The following ANKS1B variants were observed in gnomAD, a reference collection of about 807,000 sequenced individuals.
ANKS1B encodes ankyrin repeat and sterile alpha motif domain containing 1B, also known as ankyrin repeat and sterile alpha motif domain-containing protein 1B.
Under a neutral mutation model 148.3 loss-of-function variants are expected in ANKS1B, and 36 were observed. That is an observed-to-expected ratio of 0.24 (90% CI 0.19 to 0.32). The LOEUF is 0.32. Among genes scored for constraint, ANKS1B ranks in the 10% least tolerant of loss-of-function variants. The pLI, the probability that ANKS1B is intolerant of heterozygous loss-of-function variation, is 1.00. For missense variants in ANKS1B, 1,157 were observed against 1,542.6 expected, an observed-to-expected ratio of 0.75 and a Z score of 4.19; for synonymous variants, 542 against 560.8, an observed-to-expected ratio of 0.97 and a Z score of 0.47.
chr12:98,820,615 C>T (rs563894077), intron 19 of ANKS1B, among the ~76,000 whole-genome samples: 1 of 152,054 alleles, frequency 6.6e-6, no homozygotes, highest in African/African-American at 2.4e-5. Context: ...TACACTTTAC[C>T]AAAAAAGAAG....
chr12:99,689,472 C>T (rs555651400), intron 8 of ANKS1B, among the ~76,000 whole-genome samples: 2 of 152,320 alleles, frequency 1.3e-5, no homozygotes, highest in East Asian at 3.9e-4. Context: ...CCTCCCCTCA[C>T]ATGTCAGCTC....
intron 17 of ANKS1B, among the ~76,000 whole-genome samples, chr12:99,001,093 A>G (rs1413628978): frequency 6.6e-6 from 1 of 151,980 alleles, no homozygotes; most frequent in East Asian, 1.9e-4. Context: ...TGCTGCAGTG[A>G]ACAGTGGGAT....
At chr12:99,594,823 C>T (rs1275647) in intron 9 of ANKS1B, among the ~76,000 whole-genome samples, 150,590 of 152,042 alleles carry the variant, frequency 0.99, 74,585 homozygotes, top group East Asian at 1. Flanking sequence ...TAGTCAACAA[C>T]ACTGTACTGT....
chr12:99,039,222 C>T (rs573408382), intron 17 of ANKS1B, among the ~76,000 whole-genome samples: 105 of 152,314 alleles, frequency 6.9e-4, no homozygotes, highest in Middle Eastern at 3.4e-3. Context: ...AGCATTTTAC[C>T]GGACATGCCA....
chr12:99,542,498 C>T (rs1328917812), intron 9 of ANKS1B, among the ~76,000 whole-genome samples: 1 of 147,042 alleles, frequency 6.8e-6, no homozygotes, highest in Non-Finnish European at 1.5e-5. Context: ...AATTGATCAA[C>T]AGGTTCATCA....
intron 9 of ANKS1B, among the ~76,000 whole-genome samples, chr12:99,625,873 T>C (rs1410583876): frequency 6.6e-6 from 1 of 152,042 alleles, no homozygotes; most frequent in Admixed American, 6.6e-5. Context: ...TAGTAGAGAA[T>C]TGGTTTCTAG....
rs2068458748 is a variant in ANKS1B, at chr12:99,812,145, G to A, written c.372+10C>T. 6.2e-7 allele frequency: 1 copy of A among 1,601,688 alleles called. No homozygotes were observed. Among genetic ancestry groups the A allele is most frequent in the Admixed American group, 1.7e-5 (1 of 58,820 alleles). ...AAATTACATCATGAGCAAACATTTG[G>A]CAAGTGCACCTGTTCATTGACCCTG... On this transcript the variant is annotated intron_variant, in intron 3 of 26. Transcript: ENST00000683438.
At chr12:99,670,677 A>C (rs2098533769) in intron 8 of ANKS1B, among the ~76,000 whole-genome samples, 1 of 152,148 alleles carries the variant, frequency 6.6e-6, no homozygotes, top group South Asian at 2.1e-4. Context: ...AGAGATACTA[A>C]AACAAGGTAT....
chr12:99,019,735 TG>T (rs2153434105), intron 17 of ANKS1B, among the ~76,000 whole-genome samples: 1 of 152,326 alleles, frequency 6.6e-6, no homozygotes, highest in East Asian at 1.9e-4. Flanking sequence ...TTTATATGAA[TG>T]ACTATTTTTC....
intron 17 of ANKS1B, among the ~76,000 whole-genome samples, chr12:98,961,079 T>C (rs1295646210): frequency 2.0e-5 from 3 of 152,044 alleles, no homozygotes; most frequent in Non-Finnish European, 4.4e-5. Flanking sequence ...CAAAGAGAAA[T>C]AGGTGCAGGA....
chr12:99,916,263 G>C (rs996755487), intron 1 of ANKS1B, among the ~76,000 whole-genome samples: 1 of 152,148 alleles, frequency 6.6e-6, no homozygotes, highest in Non-Finnish European at 1.5e-5. Flanking sequence ...CCATATAACA[G>C]AGTATATGGC....
chr12:99,660,335 G>A (rs984975322), intron 8 of ANKS1B, among the ~76,000 whole-genome samples: 12 of 150,856 alleles, frequency 8.0e-5, no homozygotes, highest in African/African-American at 2.9e-4. Flanking sequence ...CAAAGAGTAT[G>A]CCTACCTTTA....
intron 9 of ANKS1B, among the ~76,000 whole-genome samples, chr12:99,531,107 A>T (rs1456662310): frequency 6.6e-6 from 1 of 152,144 alleles, no homozygotes; most frequent in Admixed American, 6.5e-5. Flanking sequence ...TAGTCCAGTA[A>T]GAATTTTGTG....
At chr12:99,360,550 A>C (rs1429288896) in intron 12 of ANKS1B, among the ~76,000 whole-genome samples, 1 of 152,112 alleles carries the variant, frequency 6.6e-6, no homozygotes, top group Non-Finnish European at 1.5e-5. Flanking sequence ...GCTTTGACTT[A>C]TGAAATATTG....
At chr12:99,291,013 T>C (rs780352900) in intron 12 of ANKS1B, among the ~76,000 whole-genome samples, 4 of 152,084 alleles carry the variant, frequency 2.6e-5, no homozygotes, top group Admixed American at 2.0e-4. Flanking sequence ...TAAAATCTTA[T>C]ATGTGGAAAA....
chr12:99,523,419 G>A (rs1354809929), intron 9 of ANKS1B, among the ~76,000 whole-genome samples: 2 of 152,114 alleles, frequency 1.3e-5, no homozygotes, highest in African/African-American at 4.8e-5. Context: ...ATGGTAACAG[G>A]GACAGATATT....
chr12:99,501,427 A>T (rs1318264565), intron 10 of ANKS1B, among the ~76,000 whole-genome samples: 1 of 152,176 alleles, frequency 6.6e-6, no homozygotes, highest in African/African-American at 2.4e-5. Flanking sequence ...GTATTAGTTT[A>T]AATGCATGAA....
At chr12:99,919,869 G>A (rs1220074685) in intron 1 of ANKS1B, among the ~76,000 whole-genome samples, 1 of 150,564 alleles carries the variant, frequency 6.6e-6, no homozygotes, top group African/African-American at 2.4e-5. Context: ...ATTACATATT[G>A]AAATAATATT....
intron 19 of ANKS1B, among the ~76,000 whole-genome samples, chr12:98,808,646 T>C (rs1056907503): frequency 2.0e-5 from 3 of 152,146 alleles, no homozygotes; most frequent in Admixed American, 6.5e-5. Context: ...ATTAATAAGA[T>C]AAACTTATCA....
Sources: allele counts gnomAD v4.1 joint callset (sites outside exome capture counted in the v4.1 genomes callset), GRCh38; gene constraint gnomAD v4.1.1; transcripts MANE v1.5; gene names NCBI Gene and HGNC (gene_info 2026-07-23, HGNC 2026-07-21).